PCDH15: variants seen among roughly 807,000 people sequenced by gnomAD.
The protein encoded by PCDH15 is protocadherin related 15, also known as protocadherin-15.
In PCDH15, 129 loss-of-function variants were observed where a neutral mutation model predicts 178.5. That is an observed-to-expected ratio of 0.72 (90% CI 0.63 to 0.84). PCDH15 has a LOEUF of 0.84. Ranked by LOEUF, PCDH15 falls within the 40% of genes least tolerant of loss-of-function variation. The pLI, the probability that PCDH15 is intolerant of heterozygous loss-of-function variation, is 0.00. For missense variants in PCDH15, 2,230 were observed against 2,099.9 expected (o/e 1.06, Z -1.21); for synonymous variants, 800 against 732.0 (o/e 1.09, Z -1.50).
At chr10:54,486,669 T>C (rs911200875) in intron 3 of PCDH15, among the ~76,000 whole-genome samples, 1 of 151,934 alleles carries the variant, frequency 6.6e-6, no homozygotes, top group African/African-American at 2.4e-5. Flanking sequence ...GTAAAAATCT[T>C]GATTTTTTTT....
chr10:53,893,159 C>T (rs1210018139), intron 26 of PCDH15, among the ~76,000 whole-genome samples: 1 of 151,250 alleles, frequency 6.6e-6, no homozygotes, highest in Non-Finnish European at 1.5e-5. Flanking sequence ...GATCATATAA[C>T]AAAAATAGCC....
chr10:53,906,820 A>T (rs539524292), intron 25 of PCDH15: 106 of 151,504 alleles, frequency 7.0e-4, no homozygotes, highest in African/African-American at 2.4e-3. Context: ...TTTTTAAAGA[A>T]ACAAACCAAA....
At chr10:54,073,580 C>T (rs528248110) in intron 17 of PCDH15, among the ~76,000 whole-genome samples, 3 of 152,210 alleles carry the variant, frequency 2.0e-5, no homozygotes, top group South Asian at 2.1e-4. Flanking sequence ...AACAAAGATG[C>T]TAAGTCTTCT....
chr10:54,144,589 A>C (rs749290323), intron 14 of PCDH15, among the ~76,000 whole-genome samples: 1 of 151,784 alleles, frequency 6.6e-6, no homozygotes, highest in African/African-American at 2.4e-5. Flanking sequence ...GGTCGGGAGG[A>C]TGGACTTGAG....
In PCDH15 at chr10:55,478,251, G is replaced by A. The variant is rs184918913; in HGVS notation, c.-156+149374C>T. Reference sequence around the variant, plus strand: ...CTTCAGCATCCCACTGTTCTGCAATGGATTGATCATTCACACAGAAACTCA... The same window carrying A: ...CTTCAGCATCCCACTGTTCTGCAATAGATTGATCATTCACACAGAAACTCA... On this transcript the variant is annotated intron_variant, in intron 2 of 5. Transcript: ENST00000613346. 2.4e-3 allele frequency among the ~76,000 whole-genome samples: 362 copies of A among 151,738 alleles called. 1 individual carries two copies. The highest frequency in any genetic ancestry group is 4.0e-3 in the Non-Finnish European group (273 of 67,740).
intron 10 of PCDH15, among the ~76,000 whole-genome samples, chr10:54,200,269 CTTTTTTT>C (rs11377394): frequency 1.9e-5 from 2 of 106,098 alleles, no homozygotes; most frequent in South Asian, 6.6e-4. Flanking sequence ...ACAGAGCCCA[CTTTTTTT>C]TTTTTTTTTT....
chr10:55,512,340 A>C (rs74136642), intron 2 of PCDH15, among the ~76,000 whole-genome samples: 325 of 152,122 alleles, frequency 2.1e-3, no homozygotes, highest in African/African-American at 7.6e-3. Flanking sequence ...CTAATTTAAG[A>C]ATTATTTTGT....
chr10:54,211,596 T>C (rs867742382), intron 10 of PCDH15, among the ~76,000 whole-genome samples: 1 of 152,182 alleles, frequency 6.6e-6, no homozygotes, highest in East Asian at 1.9e-4. Context: ...AGCTGTTAAA[T>C]ACACACATAG....
intron 23 of PCDH15, among the ~76,000 whole-genome samples, chr10:53,959,497 G>A (rs537743510): frequency 1.3e-5 from 2 of 151,946 alleles, no homozygotes; most frequent in East Asian, 3.9e-4. Flanking sequence ...TAATAAGTTT[G>A]CACTAATTTT....
intron 3 of PCDH15, among the ~76,000 whole-genome samples, chr10:54,502,520 A>G (rs11004341): frequency 0.13 from 20,069 of 152,054 alleles, 1,763 homozygotes; most frequent in Admixed American, 0.28. Context: ...CCTCTAAAGT[A>G]CTATATATAA....
chr10:55,072,271 G>C (rs1307448408), intron 2 of PCDH15, among the ~76,000 whole-genome samples: 1 of 152,060 alleles, frequency 6.6e-6, no homozygotes, highest in African/African-American at 2.4e-5. Context: ...AGGAAATAGA[G>C]ACATAAAAAT....
chr10:55,037,397 G>A (rs1435209904), intron 2 of PCDH15, among the ~76,000 whole-genome samples: 1 of 151,902 alleles, frequency 6.6e-6, no homozygotes, highest in Non-Finnish European at 1.5e-5. Flanking sequence ...CCATGCCTGG[G>A]TAATTTTTGT....
chr10:54,251,454 C>T (rs2132097497), intron 8 of PCDH15, among the ~76,000 whole-genome samples: 1 of 152,304 alleles, frequency 6.6e-6, no homozygotes, highest in Middle Eastern at 3.4e-3. Flanking sequence ...TTTTATCTGG[C>T]TCTCTGATCT....
chr10:54,439,473 G>C (rs1233256314), intron 3 of PCDH15, among the ~76,000 whole-genome samples: 1 of 151,926 alleles, frequency 6.6e-6, no homozygotes, highest in African/African-American at 2.4e-5. Context: ...TGTGTGCTCT[G>C]GTAGATTTTC....
At chr10:54,258,439 A>T (rs1224193155) in intron 8 of PCDH15, among the ~76,000 whole-genome samples, 2 of 152,186 alleles carry the variant, frequency 1.3e-5, no homozygotes, top group Non-Finnish European at 2.9e-5. Context: ...TCTCCTGCTG[A>T]AATGGATCAA....
chr10:54,701,923 T>C (rs896374191), intron 1 of PCDH15, among the ~76,000 whole-genome samples: 3 of 151,928 alleles, frequency 2.0e-5, no homozygotes, highest in Non-Finnish European at 4.4e-5. Context: ...CAAATATATT[T>C]GGAACCTGAA....
chr10:54,122,320 C>G (rs780446393), intron 15 of PCDH15, among the ~76,000 whole-genome samples: 1 of 151,968 alleles, frequency 6.6e-6, no homozygotes, highest in African/African-American at 2.4e-5. Context: ...TTCAACATCC[C>G]TTCATGGTAA....
chr10:54,183,821 C>T (rs939829444), intron 12 of PCDH15, among the ~76,000 whole-genome samples: 5 of 152,128 alleles, frequency 3.3e-5, no homozygotes, highest in African/African-American at 4.8e-5. Context: ...AGGTATTCAA[C>T]TCCAGGCATA....
chr10:54,670,824 A>G (rs1034684766), intron 1 of PCDH15, among the ~76,000 whole-genome samples: 1 of 152,146 alleles, frequency 6.6e-6, no homozygotes. Flanking sequence ...GAAATAAATT[A>G]TTCCATTTCC....
Sources: gnomAD v4.1 joint callset for allele counts (sites outside exome capture counted in the v4.1 genomes callset) on GRCh38, gnomAD v4.1.1 for gene constraint, MANE v1.5 for transcripts, NCBI Gene and HGNC (gene_info 2026-07-23, HGNC 2026-07-21) for gene names.